Variants in LRRTM4 observed in about 807,000 individuals in gnomAD.
The protein encoded by LRRTM4 is leucine-rich repeat transmembrane neuronal protein 4.
A neutral mutation model predicts 47.6 loss-of-function variants in LRRTM4; 25 were observed. The observed-to-expected ratio is 0.53, with a 90% CI of 0.38 to 0.73. The LOEUF (loss-of-function observed/expected upper bound fraction) is 0.73. Among genes scored for constraint, LRRTM4 ranks in the 30% least tolerant of loss-of-function variants. LRRTM4 has a pLI of 0.00. For synonymous variants in LRRTM4, 311 were observed against 269.5 expected (o/e 1.15, Z -1.51); for missense variants, 638 against 713.4 (o/e 0.89, Z 1.20).
rs1471339538 is a variant in LRRTM4, at chr2:77,421,566, G to A, written c.1551+96752C>T. Among the ~76,000 whole-genome samples, 4 of 152,150 alleles carry A rather than the reference G, an allele frequency of 2.6e-5. No homozygotes were observed. In the East Asian group the frequency reaches 7.7e-4, roughly 29 times the overall value. ...ACTAAAAATACAAAAAATTAGCCGG[G>A]CGTGTTGGCGGGTGCCTGTAGTCCC... On this transcript the variant is annotated intron_variant, in intron 3 of 3. Transcript: ENST00000409884.
chr2:77,416,990 C>T (rs1573384765), intron 3 of LRRTM4, among the ~76,000 whole-genome samples: 1 of 152,048 alleles, frequency 6.6e-6, no homozygotes, highest in African/African-American at 2.4e-5. Context: ...TTGCATTCTA[C>T]TCATCTGACA....
At chr2:76,868,027 G>A (rs1003208528) in intron 3 of LRRTM4, among the ~76,000 whole-genome samples, 1 of 152,138 alleles carries the variant, frequency 6.6e-6, no homozygotes, top group African/African-American at 2.4e-5. Context: ...ATTGAGTCAA[G>A]TCAGCTGTGG....
rs568407828 is a variant in LRRTM4, at chr2:77,460,412, T to C, written c.1551+57906A>G. ...ACTACTATGAGCTTTCTGTTATCAG[T>C]AAGAGAGAAGTCATTATAGCTACTG... is the stretch of plus-strand genomic sequence containing the variant. On this transcript the variant is annotated intron_variant, in intron 3 of 3. Transcript: ENST00000409884. Among the ~76,000 whole-genome samples the C allele has an allele frequency of 7.9e-5, 12 of 152,258 alleles. No homozygotes were observed. The South Asian group carries it at 2.5e-3, about 31-fold the overall frequency.
intron 3 of LRRTM4, among the ~76,000 whole-genome samples, chr2:76,779,653 GTC>G (rs1280609916): frequency 9.9e-5 from 15 of 151,586 alleles, no homozygotes; most frequent in African/African-American, 3.1e-4. Context: ...GCCTATATGT[GTC>G]TCTGCACGTG....
chr2:77,506,591 G>T (rs1429460129), intron 3 of LRRTM4, among the ~76,000 whole-genome samples: 3 of 151,774 alleles, frequency 2.0e-5, no homozygotes, highest in African/African-American at 4.8e-5. Context: ...AATGTTAGGG[G>T]TATATGTGGA....
chr2:77,251,872 T>C (rs184901123), intron 3 of LRRTM4, among the ~76,000 whole-genome samples: 1 of 152,262 alleles, frequency 6.6e-6, no homozygotes, highest in Admixed American at 6.5e-5. Flanking sequence ...CTTCCTGAGA[T>C]TGATGATATT....
At chr2:77,333,596 T>C (rs1030665503) in intron 3 of LRRTM4, among the ~76,000 whole-genome samples, 1 of 152,160 alleles carries the variant, frequency 6.6e-6, no homozygotes, top group African/African-American at 2.4e-5. Context: ...AAGTCAAGAA[T>C]TGAGGTTTGA....
At chr2:77,502,184 A>G (rs1379145958) in intron 3 of LRRTM4, among the ~76,000 whole-genome samples, 1 of 151,570 alleles carries the variant, frequency 6.6e-6, no homozygotes, top group Non-Finnish European at 1.5e-5. Context: ...CAAGAGAGTA[A>G]GCAAAAATGG....
At chr2:77,243,918 C>T (rs1212888597) in intron 3 of LRRTM4, among the ~76,000 whole-genome samples, 8 of 135,902 alleles carry the variant, frequency 5.9e-5, no homozygotes, top group South Asian at 2.5e-4. Context: ...TATCCCTCCC[C>T]GCTCCCCCCA....
chr2:76,905,152 C>T (rs911895154), intron 3 of LRRTM4, among the ~76,000 whole-genome samples: 2 of 152,158 alleles, frequency 1.3e-5, no homozygotes, highest in Non-Finnish European at 2.9e-5. Flanking sequence ...TGAGACAAAA[C>T]TTCCAGAGGA....
intron 3 of LRRTM4, among the ~76,000 whole-genome samples, chr2:77,134,577 T>C (rs1671883312): frequency 6.6e-6 from 1 of 152,194 alleles, no homozygotes; most frequent in Non-Finnish European, 1.5e-5. Context: ...CACATGACTA[T>C]GTCTGATTTC....
chr2:76,849,468 T>C (rs1446351458), intron 3 of LRRTM4, among the ~76,000 whole-genome samples: 1 of 152,054 alleles, frequency 6.6e-6, no homozygotes, highest in Non-Finnish European at 1.5e-5. Context: ...ATATAAAATA[T>C]ACTCCCTCAG....
chr2:77,386,055 C>T (rs1383626086), intron 3 of LRRTM4, among the ~76,000 whole-genome samples: 2 of 152,012 alleles, frequency 1.3e-5, no homozygotes, highest in East Asian at 3.9e-4. Context: ...CCATGCCCAG[C>T]CACATGGTAC....
intron 3 of LRRTM4, among the ~76,000 whole-genome samples, chr2:77,310,985 T>TAC (rs201912464): frequency 0.03 from 4,515 of 151,600 alleles, 222 homozygotes; most frequent in African/African-American, 0.1. Context: ...GAGATATATT[T>TAC]ACACACATAT....
intron 3 of LRRTM4, among the ~76,000 whole-genome samples, chr2:77,167,275 T>C (rs1360928641): frequency 6.6e-6 from 1 of 152,118 alleles, no homozygotes; most frequent in African/African-American, 2.4e-5. Flanking sequence ...TCAGTTAGAA[T>C]GGTGATCATT....
chr2:77,139,403 G>A (rs1370965525), intron 3 of LRRTM4, among the ~76,000 whole-genome samples: 1 of 152,136 alleles, frequency 6.6e-6, no homozygotes, highest in Non-Finnish European at 1.5e-5. Flanking sequence ...ATGCGGAAAA[G>A]GACTTTGACA....
At chr2:76,799,133 G>A (rs1338443515) in intron 3 of LRRTM4, among the ~76,000 whole-genome samples, 1 of 144,356 alleles carries the variant, frequency 6.9e-6, no homozygotes, top group Non-Finnish European at 1.5e-5. Context: ...CCAAAGCCTG[G>A]CAGAGACACA....
intron 3 of LRRTM4, among the ~76,000 whole-genome samples, chr2:76,799,267 T>A (rs1675527537): frequency 8.8e-6 from 1 of 113,458 alleles, no homozygotes; most frequent in Non-Finnish European, 1.7e-5. Flanking sequence ...TCAAGTGGGC[T>A]TCATCCCTGG....
At chr2:77,005,702 TG>T (rs1402366978) in intron 3 of LRRTM4, among the ~76,000 whole-genome samples, 3 of 152,164 alleles carry the variant, frequency 2.0e-5, no homozygotes, top group Admixed American at 6.5e-5. Flanking sequence ...CCTGATACCA[TG>T]TAAGACATGA....
Sources: gnomAD v4.1 joint callset for allele counts (sites outside exome capture counted in the v4.1 genomes callset) on GRCh38, gnomAD v4.1.1 for gene constraint, MANE v1.5 for transcripts, NCBI Gene and HGNC (gene_info 2026-07-23, HGNC 2026-07-21) for gene names.